SLC28A1: variants seen among roughly 807,000 people sequenced by gnomAD.
The protein encoded by SLC28A1 is solute carrier family 28 member 1.
A neutral mutation model predicts 74.8 loss-of-function variants in SLC28A1; 64 were observed. The ratio of observed to expected loss-of-function variants is 0.86; its 90% confidence interval spans 0.70 to 1.05. The LOEUF is 1.05. Among genes scored for constraint, SLC28A1 ranks in the 50% least tolerant of loss-of-function variants. The pLI is 0.00. For missense variants in SLC28A1, 828 were observed against 822.8 expected, an observed-to-expected ratio of 1.01 and a Z score of -0.08; for synonymous variants, 359 against 335.0, an observed-to-expected ratio of 1.07 and a Z score of -0.78.
rs1325726536 is a variant in SLC28A1, at chr15:84,895,616, A to G, written c.461+493A>G. 2.7e-6 allele frequency: 4 copies of G among 1,480,432 alleles called. No homozygotes were observed. The East Asian group carries it at 1.0e-4, about 37-fold the overall frequency. 91.7% of individuals were successfully genotyped at this position (1,480,432 alleles called of 1,614,324 possible). A position where few individuals can be genotyped will look rare whatever the true frequency, so the allele number is the denominator to read the frequency against. On this transcript the variant is annotated intron_variant, in intron 6 of 18. Coordinates refer to ENST00000394573, the MANE Select transcript of SLC28A1 (RefSeq NM_004213.5). ...AACTGGATTCCTTGGAGCGCTGGAA[A>G]TCTCAGCGATGTCACAGGGCAGGAG...
At chr15:84,913,723 T>C (rs1034919759) in intron 9 of SLC28A1, among the ~76,000 whole-genome samples, 1 of 152,252 alleles carries the variant, frequency 6.6e-6, no homozygotes, top group Non-Finnish European at 1.5e-5. Context: ...AGGACTTACT[T>C]GGCTCTTCCT....
intron 8 of SLC28A1, among the ~76,000 whole-genome samples, chr15:84,906,397 C>T (rs981117319): frequency 1.3e-5 from 2 of 152,072 alleles, no homozygotes; most frequent in Non-Finnish European, 2.9e-5. Flanking sequence ...CTCACTGCAG[C>T]GTTGACATCC....
At chr15:84,926,080 A>C (rs2141953123) in intron 12 of SLC28A1, among the ~76,000 whole-genome samples, 1 of 147,456 alleles carries the variant, frequency 6.8e-6, no homozygotes, top group Non-Finnish European at 1.5e-5. Context: ...ATAATATTTT[A>C]TTATTTTATC....
the SLC28A1 span, among the ~76,000 whole-genome samples, chr15:84,952,854 G>A: frequency 2.0e-5 from 3 of 152,006 alleles, no homozygotes; most frequent in African/African-American, 4.8e-5. Context: ...GTGAGACCCC[G>A]TCTCAAAAAA....
At chr15:84,974,479 A>G in the SLC28A1 span, among the ~76,000 whole-genome samples, 1 of 152,202 alleles carries the variant, frequency 6.6e-6, no homozygotes, top group East Asian at 1.9e-4. Flanking sequence ...CAATCAAGTA[A>G]CGATGCTAAT....
chr15:84,946,108 ATATATT>A (rs2079213337), downstream of SLC28A1, among the ~76,000 whole-genome samples: 1 of 11,124 alleles, frequency 9.0e-5, no homozygotes, highest in Admixed American at 8.4e-4. Flanking sequence ...ATATATATAT[ATATATT>A]TTTTTTTTTT....
chr15:84,950,056 T>A (rs2142090060), downstream of SLC28A1, among the ~76,000 whole-genome samples: 1 of 152,284 alleles, frequency 6.6e-6, no homozygotes, highest in East Asian at 1.9e-4. Context: ...AGAGACTTTG[T>A]CACTGGCAGG....
intron 9 of SLC28A1, among the ~76,000 whole-genome samples, chr15:84,912,806 G>GCGTGCGCGCGCGCGCGCACACACA (rs764101004): frequency 8.9e-6 from 1 of 112,202 alleles, no homozygotes; most frequent in African/African-American, 3.3e-5. Flanking sequence ...TTGCGCGCGC[G>GCGTGCGCGCGCGCGCGCACACACA]CACACACACA....
rs190621722 is a variant in SLC28A1, at chr15:84,915,165, G to A, written c.796-3359G>A. Reference sequence around the variant, plus strand: ...ATGTCATCCTACCCGTGCTGGAGGTGTTTCTAGCCCCAGGCGGGAGGAGGA... The same window carrying A: ...ATGTCATCCTACCCGTGCTGGAGGTATTTCTAGCCCCAGGCGGGAGGAGGA... On this transcript the variant is annotated intron_variant, in intron 9 of 18. Transcript: ENST00000394573. Among the ~76,000 whole-genome samples the A allele has an allele frequency of 2.7e-3, 414 of 152,286 alleles. 6 individuals are homozygous for A. Among genetic ancestry groups the A allele is most frequent in the African/African-American group, 9.5e-3 (397 of 41,576 alleles).
rs116650159 is a variant in SLC28A1, at chr15:84,910,243, G to A, written c.795+1448G>A. 4.2e-3 allele frequency among the ~76,000 whole-genome samples: 639 copies of A among 152,266 alleles called. 4 individuals carry two copies. The highest frequency in any genetic ancestry group is 0.015 in the African/African-American group (612 of 41,540). ...TCTGCATAGGGAGAATATTGGGAGGGGGAGCCTATGTCAGCCCCGCAAAGG... is the reference window on the plus strand; with the variant it reads ...TCTGCATAGGGAGAATATTGGGAGGAGGAGCCTATGTCAGCCCCGCAAAGG... On this transcript the variant is annotated intron_variant, in intron 9 of 18. Transcript: ENST00000394573.
chr15:84,972,600 C>T, the SLC28A1 span, among the ~76,000 whole-genome samples: 1 of 152,336 alleles, frequency 6.6e-6, no homozygotes, highest in East Asian at 1.9e-4. Flanking sequence ...CTTCTAGCCA[C>T]AGCCTTTGCA....
chr15:84,941,307 G>A (rs776740073), intron 15 of SLC28A1, among the ~76,000 whole-genome samples: 2 of 151,430 alleles, frequency 1.3e-5, no homozygotes, highest in Non-Finnish European at 2.9e-5. Context: ...CTGGGTTCAC[G>A]CCATTCTCCT....
At chr15:84,887,989 C>A (rs1334226470) in intron 3 of SLC28A1, 133 bp downstream of exon 3, 6 of 704,786 alleles carry the variant, frequency 8.5e-6, no homozygotes, top group Non-Finnish European at 1.5e-5. Flanking sequence ...CACCTCTTTG[C>A]TGGCACAGTT....
the SLC28A1 span, among the ~76,000 whole-genome samples, chr15:84,954,015 C>G: frequency 3.3e-5 from 5 of 152,208 alleles, no homozygotes; most frequent in Admixed American, 6.5e-5. Flanking sequence ...ACTGTGACCT[C>G]CTTCTACTGA....
At chr15:84,970,160 C>T in the SLC28A1 span, among the ~76,000 whole-genome samples, 13 of 152,334 alleles carry the variant, frequency 8.5e-5, no homozygotes, top group African/African-American at 3.1e-4. Context: ...CAGGTGCTAG[C>T]AGCTTTGCTC....
At chr15:84,919,290 A>G (rs573920709) in intron 10 of SLC28A1, among the ~76,000 whole-genome samples, 6 of 152,362 alleles carry the variant, frequency 3.9e-5, no homozygotes, top group Admixed American at 2.6e-4. Context: ...GGACAGCAAC[A>G]GATAGCATTG....
intron 3 of SLC28A1, among the ~76,000 whole-genome samples, chr15:84,888,557 C>T (rs1028275875): frequency 6.6e-5 from 10 of 152,182 alleles, no homozygotes; most frequent in Admixed American, 4.6e-4. Flanking sequence ...ACCATGAGCT[C>T]GCTGAGGGCA....
At chr15:84,965,803 C>G in the SLC28A1 span, among the ~76,000 whole-genome samples, 1 of 150,692 alleles carries the variant, frequency 6.6e-6, no homozygotes, top group Non-Finnish European at 1.5e-5. Flanking sequence ...TTCCTTCTGG[C>G]TAGAATGTAA....
chr15:84,969,439 C>T, the SLC28A1 span, among the ~76,000 whole-genome samples: 2 of 152,202 alleles, frequency 1.3e-5, no homozygotes, highest in Admixed American at 1.3e-4. Flanking sequence ...TCAGCTGCAG[C>T]TGGGAGCACA....
Sources: allele counts gnomAD v4.1 joint callset (sites outside exome capture counted in the v4.1 genomes callset), GRCh38; gene constraint gnomAD v4.1.1; transcripts MANE v1.5; gene names NCBI Gene and HGNC (gene_info 2026-07-23, HGNC 2026-07-21).